CEP104: variants seen among roughly 807,000 people sequenced by gnomAD.
The protein encoded by CEP104 is centrosomal protein of 104 kDa.
CEP104 carries 84 observed loss-of-function variants against 113.3 expected under a neutral mutation model. The observed-to-expected ratio is 0.74, with a 90% CI of 0.62 to 0.89. CEP104 has a LOEUF of 0.89. Ranked by LOEUF, CEP104 falls within the 40% of genes least tolerant of loss-of-function variation. The probability of loss-of-function intolerance (pLI) is 0.00; values close to 1 mark genes in which losing one functional copy is unlikely to be tolerated. For missense variants in CEP104, 1,053 were observed against 1,156.6 expected (o/e 0.91, Z 1.30); for synonymous variants, 378 against 421.7 (o/e 0.90, Z 1.27).
chr1:3,832,549 T>C (rs1644236691), intron 12 of CEP104, among the ~76,000 whole-genome samples: 1 of 99,982 alleles, frequency 1.0e-5, no homozygotes, highest in African/African-American at 2.7e-5. Context: ...TAACCAGGAG[T>C]GTAGTGTAGC....
intron 6 of CEP104, among the ~76,000 whole-genome samples, chr1:3,840,503 G>A (rs960232683): frequency 6.6e-6 from 1 of 152,128 alleles, no homozygotes. Flanking sequence ...CTCCCAAAGT[G>A]TTGGGATTAT....
rs1644325034 is a variant in CEP104 at position 3,836,879 on chromosome 1, T to C, written c.1120-187A>G. ...ATAGGATGTAATTGAAAAGATTAGA[T>C]GAGGCTTTCTATTACTTTCTAAACT... is the stretch of plus-strand genomic sequence containing the variant. On this transcript the variant is annotated intron_variant, in intron 9 of 21. Coordinates refer to ENST00000378230, the MANE Select transcript of CEP104 (RefSeq NM_014704.4). 8.4e-6 allele frequency: 5 copies of C among 595,452 alleles called. No homozygotes were observed. In the South Asian group the frequency reaches 8.6e-5, roughly 10 times the overall value. 36.9% of individuals were successfully genotyped at this position (595,452 alleles called of 1,614,324 possible). A position where few individuals can be genotyped will look rare whatever the true frequency, so the allele number is the denominator to read the frequency against.
chr1:3,840,070 C>T (rs1644386981), intron 6 of CEP104, among the ~76,000 whole-genome samples: 9 of 152,102 alleles, frequency 5.9e-5, no homozygotes, highest in Admixed American at 5.9e-4. Flanking sequence ...TGGGCCTCGC[C>T]TCGTTATGGG....
intron 20 of CEP104, among the ~76,000 whole-genome samples, chr1:3,820,175 G>A (rs982707705): frequency 1.3e-5 from 2 of 152,180 alleles, no homozygotes; most frequent in Admixed American, 6.5e-5. Context: ...GGTACTACCT[G>A]TAAGAGGATG....
intron 20 of CEP104, among the ~76,000 whole-genome samples, chr1:3,821,844 G>A: frequency 6.6e-6 from 1 of 152,222 alleles, no homozygotes; most frequent in Non-Finnish European, 1.5e-5. Context: ...GAATCATAAG[G>A]AAAAAGAACG....
Position 3,834,954 on chromosome 1 carries a change from T to A in CEP104, c.1456A>T (p.Arg486Ter). 2 of 1,603,270 alleles carry A rather than the reference T, an allele frequency of 1.2e-6. No individual in the cohort carries two copies. The highest frequency in any genetic ancestry group is 1.7e-6 in the Non-Finnish European group (2 of 1,174,348). ...NTLRASVFLV[R>*]RAIKDIVTSV... ...GTCACAATGTCCTTTATGGCTCTTCTAACGAGAAAGACGGATGCTCTCAGT... is the reference window on the plus strand; with the variant it reads ...GTCACAATGTCCTTTATGGCTCTTCAAACGAGAAAGACGGATGCTCTCAGT... Residue 486 changes from arginine to a stop codon, truncating the protein, a stop_gained, in exon 11 of 22, where the codon AGA (arginine) becomes TGA (stop). Transcript: ENST00000378230. LOFTEE classifies it high-confidence loss of function.
chr1:3,851,367 T>C (rs1644607457), intron 2 of CEP104, among the ~76,000 whole-genome samples: 1 of 152,136 alleles, frequency 6.6e-6, no homozygotes, highest in Non-Finnish European at 1.5e-5. Context: ...CAACTTGACT[T>C]CTGAATAAAA....
At chr1:3,856,483 A>C (rs923379138) in intron 1 of CEP104, among the ~76,000 whole-genome samples, 1 of 152,256 alleles carries the variant, frequency 6.6e-6, no homozygotes, top group African/African-American at 2.4e-5. Context: ...AAAACAAAAA[A>C]CAACCAACCA....
Position 3,831,225 on chromosome 1 carries a change from A to G in CEP104, c.1660-3T>C. 1.9e-6 allele frequency: 3 copies of G among 1,609,228 alleles called. No homozygotes were observed. Among genetic ancestry groups the G allele is most frequent in the Non-Finnish European group, 2.6e-6 (3 of 1,176,252 alleles). ...ACTTCTTTAAACAAGGCCATTTCCT[A>G]TGAAAGCCAAGGTAATTTGTTAATT... On this transcript the variant is annotated splice_region_variant and splice_polypyrimidine_tract_variant and intron_variant, in intron 12 of 21. Transcript: ENST00000378230.
rs1484574480 is a variant in CEP104, at chr1:3,829,372, G to A, written c.2045C>T (p.Ala682Val). 3 of 1,607,032 alleles carry A rather than the reference G, an allele frequency of 1.9e-6. No homozygotes were observed. The highest frequency in any genetic ancestry group is 2.5e-6 in the Non-Finnish European group (3 of 1,178,194). ...DGRATDAEMR[A>V]RRKAATEEAE... ...TTCTTCTGTAGCCGCTTTTCTCCGT[G>A]CCTGGTAAGAAAATTATTTTTCCAT... Residue 682 changes from alanine to valine, a missense_variant and splice_region_variant, in exon 15 of 22, where the codon GCA (alanine) becomes GTA (valine). Coordinates refer to ENST00000378230, the MANE Select transcript of CEP104 (RefSeq NM_014704.4).
rs1243744948 is a variant in CEP104, at chr1:3,815,137, T to A, written c.*265A>T. On this transcript the variant is annotated 3_prime_UTR_variant, in exon 22 of 22. Coordinates refer to ENST00000378230, the MANE Select transcript of CEP104 (RefSeq NM_014704.4). ...CCAAACAGGACGCTTCCTTCTCTGATTCTAAGGAAGGCCTGAGACAGCCCT... is the reference window on the plus strand; with the variant it reads ...CCAAACAGGACGCTTCCTTCTCTGAATCTAAGGAAGGCCTGAGACAGCCCT... 1 of 454,480 alleles carries A rather than the reference T, an allele frequency of 2.2e-6. No individual in the cohort carries two copies. The highest frequency in any genetic ancestry group is 4.3e-5 in the East Asian group (1 of 23,366). 28.2% of individuals were successfully genotyped at this position (454,480 alleles called of 1,614,324 possible).
intron 6 of CEP104, chr1:3,843,109 T>C: frequency 4.8e-6 from 3 of 620,126 alleles, no homozygotes; most frequent in Middle Eastern, 2.6e-4. Context: ...TCAATTCCTC[T>C]TTTTTTCTCA....
At chr1:3,816,073 G>C (rs2124630032) in intron 21 of CEP104, 2 of 538,288 alleles carry the variant, frequency 3.7e-6, no homozygotes, top group East Asian at 3.1e-5. Context: ...TGCACAGCCA[G>C]TTTGCAGGTG....
At chr1:3,834,789 A>T in intron 11 of CEP104, 136 bp downstream of exon 11, 1 of 718,822 alleles carries the variant, frequency 1.4e-6, no homozygotes, top group Non-Finnish European at 2.3e-6. Flanking sequence ...CTCATTTCTT[A>T]GTGATTCTAT....
At position 3,836,905 on chromosome 1, in the gene CEP104, C is replaced by T. The variant is rs532821865; in HGVS notation, c.1120-213G>A. On this transcript the variant is annotated intron_variant, in intron 9 of 21. Coordinates refer to ENST00000378230, the MANE Select transcript of CEP104 (RefSeq NM_014704.4). ...GAGGCTTTCTATTACTTTCTAAACT[C>T]ATTACAGACCTAATAAAAAAAAGCA... 3.6e-4 allele frequency: 199 copies of T among 554,188 alleles called. 1 individual carries two copies. The highest frequency in any genetic ancestry group is 3.3e-3 in the African/African-American group (175 of 53,150). The allele number at this position is 554,188 out of a possible 1,614,324, so 34.3% of individuals were successfully genotyped here.
At chr1:3,817,561 G>C (rs1172796890) in intron 20 of CEP104, among the ~76,000 whole-genome samples, 1 of 152,176 alleles carries the variant, frequency 6.6e-6, no homozygotes, top group East Asian at 1.9e-4. Flanking sequence ...CTCCCGGCAG[G>C]CCTGGGTTCT....
intron 20 of CEP104, chr1:3,822,856 G>T (rs1351613574): frequency 7.4e-6 from 2 of 271,594 alleles, no homozygotes; most frequent in African/African-American, 4.4e-5. Flanking sequence ...GTCACTGAGG[G>T]TCTCATTATC....
At chr1:3,845,407 C>A (rs902096976) in intron 4 of CEP104, 56 bp from the exon 5 acceptor site, 4 of 1,290,814 alleles carry the variant, frequency 3.1e-6, no homozygotes, top group Non-Finnish European at 4.5e-6. Flanking sequence ...ATGACTTAAC[C>A]CTTTTATTTA....
chr1:3,844,225 G>A (rs1173611338), intron 6 of CEP104, among the ~76,000 whole-genome samples: 8 of 152,234 alleles, frequency 5.3e-5, no homozygotes, highest in African/African-American at 1.7e-4. Context: ...ATCAAAGGAC[G>A]GCTGACAGAT....
Sources: allele counts gnomAD v4.1 joint callset (sites outside exome capture counted in the v4.1 genomes callset), GRCh38; gene constraint gnomAD v4.1.1; transcripts MANE v1.5; gene names NCBI Gene and HGNC (gene_info 2026-07-23, HGNC 2026-07-21).